Variants in GLYATL3 observed in about 807,000 individuals in gnomAD.
The protein encoded by GLYATL3 is glycine-N-acyltransferase like 3.
A neutral mutation model predicts 28.5 loss-of-function variants in GLYATL3; 31 were observed. That is an observed-to-expected ratio of 1.09 (90% CI 0.82 to 1.47). GLYATL3 has a LOEUF of 1.47. Ranked by LOEUF, GLYATL3 falls within the 40% of genes most tolerant of loss-of-function variation. The pLI is 0.00. For synonymous variants in GLYATL3, 141 were observed against 140.2 expected, an observed-to-expected ratio of 1.01 and a Z score of -0.04; for missense variants, 369 against 351.5, an observed-to-expected ratio of 1.05 and a Z score of -0.40.
Position 49,527,108 on chromosome 6 carries a change from G to A in GLYATL3, c.*194G>A, listed in dbSNP as rs1581875748. 1 of 544,614 alleles carries A rather than the reference G, an allele frequency of 1.8e-6. No homozygotes were observed. The highest frequency in any genetic ancestry group is 1.9e-5 in the African/African-American group (1 of 53,134). The allele number at this position is 544,614 out of a possible 1,614,324, so 33.7% of individuals were successfully genotyped here. A position where few individuals can be genotyped will look rare whatever the true frequency, so the allele number is the denominator to read the frequency against. ...AGGTTTCTCCAGTAAATAGCTGTGG[G>A]GGTGAAGAGTAGCTGTGGCTGAAGA... On this transcript the variant is annotated 3_prime_UTR_variant, in exon 6 of 6. Transcript: ENST00000371197.
chr6:49,513,646 T>C (rs1435473109), intron 2 of GLYATL3, among the ~76,000 whole-genome samples: 2 of 152,216 alleles, frequency 1.3e-5, no homozygotes, highest in Non-Finnish European at 2.9e-5. Context: ...CAGGTTACTT[T>C]AGATCTTGAA....
chr6:49,507,012 C>T (rs1377184048), intron 1 of GLYATL3, among the ~76,000 whole-genome samples: 2 of 152,088 alleles, frequency 1.3e-5, no homozygotes, highest in African/African-American at 4.8e-5. Context: ...ACACATCCTC[C>T]TCTGGCAGAG....
At chr6:49,505,399 A>G (rs1039628517) in intron 1 of GLYATL3, among the ~76,000 whole-genome samples, 4 of 152,232 alleles carry the variant, frequency 2.6e-5, no homozygotes, top group Admixed American at 2.6e-4. Flanking sequence ...TGCAGAGATA[A>G]CAGCAAACAA....
At chr6:49,518,186 T>G (rs761518645) in intron 4 of GLYATL3, among the ~76,000 whole-genome samples, 6 of 151,970 alleles carry the variant, frequency 3.9e-5, no homozygotes, top group Non-Finnish European at 7.4e-5. Context: ...AGGGCCCTTT[T>G]TTGTTGTTGT....
At chr6:49,519,377 G>A (rs772517591) in intron 4 of GLYATL3, among the ~76,000 whole-genome samples, 4 of 152,096 alleles carry the variant, frequency 2.6e-5, no homozygotes, top group Non-Finnish European at 5.9e-5. Context: ...GAGTAGTAAC[G>A]GTCCCTCATT....
intron 3 of GLYATL3, among the ~76,000 whole-genome samples, chr6:49,517,164 A>AG (rs1349673210): frequency 6.7e-6 from 1 of 150,324 alleles, no homozygotes; most frequent in Non-Finnish European, 1.5e-5. Flanking sequence ...GTCTAAAAAA[A>AG]AAAAAAAGAA....
chr6:49,522,710 G>A (rs961853229), intron 5 of GLYATL3, among the ~76,000 whole-genome samples: 1 of 152,128 alleles, frequency 6.6e-6, no homozygotes, highest in Admixed American at 6.5e-5. Context: ...AGTGAATGTT[G>A]AAGAAATTGT....
chr6:49,504,963 A>T (rs1581864761), intron 1 of GLYATL3, among the ~76,000 whole-genome samples: 2 of 152,356 alleles, frequency 1.3e-5, no homozygotes, highest in Non-Finnish European at 2.9e-5. Flanking sequence ...AAATAGCATT[A>T]GGAGAAAGGC....
At chr6:49,509,948 CTCTTTCTTTCTT>C (rs71540239) in intron 1 of GLYATL3, among the ~76,000 whole-genome samples, 4,471 of 100,008 alleles carry the variant, frequency 0.045, 89 homozygotes, top group Middle Eastern at 0.067. Flanking sequence ...TATTTTCTTT[CTCTTTCTTTCTT>C]TCTTTCTTTC....
chr6:49,520,462 C>T (rs1177979344), intron 4 of GLYATL3, among the ~76,000 whole-genome samples: 1 of 152,152 alleles, frequency 6.6e-6, no homozygotes, highest in Non-Finnish European at 1.5e-5. Flanking sequence ...TTTTCTGAGG[C>T]TTAACTCCCT....
chr6:49,524,955 C>A (rs1321684808), intron 5 of GLYATL3, among the ~76,000 whole-genome samples: 3 of 124,204 alleles, frequency 2.4e-5, no homozygotes, highest in African/African-American at 9.6e-5. Context: ...GGCAACAATG[C>A]GAGACTCCCT....
At chr6:49,505,413 G>A (rs953134043) in intron 1 of GLYATL3, among the ~76,000 whole-genome samples, 4 of 152,142 alleles carry the variant, frequency 2.6e-5, no homozygotes, top group African/African-American at 7.2e-5. Flanking sequence ...CAAACAACTC[G>A]GCTTTTTGAG....
chr6:49,526,490 A>C lies in GLYATL3; in HGVS notation c.443A>C (p.Lys148Thr). 2.6e-6 allele frequency: 4 copies of C among 1,551,010 alleles called. No homozygotes were observed. The highest frequency in any genetic ancestry group is 3.5e-6 in the Non-Finnish European group (4 of 1,146,512). The change falls in exon 6 of 6, where the codon AAG (lysine) becomes ACG (threonine). Residue 148 changes from lysine (K) to threonine (T), a missense_variant and splice_region_variant. Physicochemically the swap from Lys to Thr is moderately conservative, Grantham distance 78. Transcript: ENST00000371197. ...VSSLPDTSFL[K>T]GPSPRLTYLS... ...GTTTTTGTGTCATTCTGGTCTAGCAAGGGGCCTTCCCCACGACTAACCTAC... is the reference window on the plus strand; with the variant it reads ...GTTTTTGTGTCATTCTGGTCTAGCACGGGGCCTTCCCCACGACTAACCTAC...
At chr6:49,506,877 G>C (rs1190834384) in intron 1 of GLYATL3, among the ~76,000 whole-genome samples, 1 of 152,096 alleles carries the variant, frequency 6.6e-6, no homozygotes, top group African/African-American at 2.4e-5. Context: ...TGGACTGGGG[G>C]AAAACAGGAT....
At chr6:49,516,955 A>G (rs1489672328) in intron 3 of GLYATL3, among the ~76,000 whole-genome samples, 1 of 151,766 alleles carries the variant, frequency 6.6e-6, no homozygotes, top group Admixed American at 6.6e-5. Flanking sequence ...CAGGAGATCA[A>G]GACCATCCTG....
intron 2 of GLYATL3, among the ~76,000 whole-genome samples, chr6:49,514,052 GCA>G (rs930769218): frequency 6.6e-6 from 1 of 152,148 alleles, no homozygotes; most frequent in African/African-American, 2.4e-5. Context: ...GCTACAAAGT[GCA>G]CACAATTTAA....
intron 1 of GLYATL3, among the ~76,000 whole-genome samples, chr6:49,506,877 G>A (rs1190834384): frequency 6.6e-6 from 1 of 152,096 alleles, no homozygotes; most frequent in Non-Finnish European, 1.5e-5. Flanking sequence ...TGGACTGGGG[G>A]AAAACAGGAT....
rs1246887201 is a variant in GLYATL3, at chr6:49,512,033, A to C, written c.43A>C (p.Lys15Gln). The change falls in exon 2 of 6, where the codon AAA becomes CAA. Residue 15 changes from lysine (K) to glutamine (Q), a missense_variant. Lys to Gln is a moderately conservative substitution (Grantham distance 53, BLOSUM62 1). Transcript: ENST00000371197. ...NCSTKLLILE[K>Q]MLKSCFPESL... ...TTCTACCAAATTACTGATACTGGAGAAAATGTTGAAGAGTTGCTTTCCTGA... is the reference window on the plus strand; with the variant it reads ...TTCTACCAAATTACTGATACTGGAGCAAATGTTGAAGAGTTGCTTTCCTGA... 6.7e-7 allele frequency: 1 copy of C among 1,499,128 alleles called. No homozygotes were observed. Among genetic ancestry groups the C allele is most frequent in the African/African-American group, 1.4e-5 (1 of 72,500 alleles). 92.9% of individuals were successfully genotyped at this position (1,499,128 alleles called of 1,614,324 possible).
chr6:49,503,725 T>C (rs541252923), intron 1 of GLYATL3, among the ~76,000 whole-genome samples: 3 of 152,314 alleles, frequency 2.0e-5, no homozygotes, highest in African/African-American at 7.2e-5. Flanking sequence ...TATATTGGGA[T>C]GTGTGAATAT....
Sources: allele counts gnomAD v4.1 joint callset (sites outside exome capture counted in the v4.1 genomes callset), GRCh38; gene constraint gnomAD v4.1.1; transcripts MANE v1.5; gene names NCBI Gene and HGNC (gene_info 2026-07-23, HGNC 2026-07-21).